Variants in SGCZ observed in about 807,000 individuals in gnomAD.
The protein encoded by SGCZ is sarcoglycan zeta, also known as zeta-sarcoglycan.
SGCZ carries 40 observed loss-of-function variants against 41.3 expected under a neutral mutation model. The observed-to-expected ratio is 0.97, with a 90% confidence interval of 0.75 to 1.26. The LOEUF is 1.26. Ranked by LOEUF, SGCZ falls within the 50% of genes most tolerant of loss-of-function variation. SGCZ has a pLI of 0.00. For synonymous variants in SGCZ, 206 were observed against 137.5 expected, an observed-to-expected ratio of 1.50 and a Z score of -3.49; for missense variants, 552 against 369.8, an observed-to-expected ratio of 1.49 and a Z score of -4.04.
chr8:14,221,177 C>T (rs989895726), intron 4 of SGCZ, among the ~76,000 whole-genome samples: 9 of 152,132 alleles, frequency 5.9e-5, no homozygotes, highest in African/African-American at 2.2e-4. Context: ...GTGTGTATGT[C>T]ATTGTGTAAG....
At chr8:15,002,966 T>C (rs1404789373) in intron 1 of SGCZ, among the ~76,000 whole-genome samples, 1 of 151,600 alleles carries the variant, frequency 6.6e-6, no homozygotes, top group East Asian at 1.9e-4. Context: ...TCTGATGGTT[T>C]TATAAAGGGG....
intron 3 of SGCZ, among the ~76,000 whole-genome samples, chr8:14,238,822 A>G (rs535046087): frequency 3.5e-4 from 53 of 152,248 alleles, no homozygotes; most frequent in Non-Finnish European, 6.6e-4. Context: ...ATGCTGAAAT[A>G]CTATGAAAAT....
chr8:14,183,299 C>G (rs954947132), intron 4 of SGCZ, among the ~76,000 whole-genome samples: 4 of 151,884 alleles, frequency 2.6e-5, no homozygotes, highest in African/African-American at 7.3e-5. Context: ...TACACACACA[C>G]ACACACACAC....
Position 14,156,343 on chromosome 8 carries a change from C to T in SGCZ, c.547+8237G>A, listed in dbSNP as rs1477544923. On this transcript the variant is annotated intron_variant, in intron 5 of 7. Coordinates refer to ENST00000382080, the MANE Select transcript of SGCZ (RefSeq NM_139167.4). Reference sequence around the variant, plus strand: ...GGCGTGGTGGTGGTCGCCTTGTAGTCCCAGCTACTCAGGAGGCTGAGGCGG... The same window carrying T: ...GGCGTGGTGGTGGTCGCCTTGTAGTTCCAGCTACTCAGGAGGCTGAGGCGG... Among the ~76,000 whole-genome samples, 8 of 151,880 alleles carry T rather than the reference C, an allele frequency of 5.3e-5. No individual in the cohort carries two copies. The South Asian group carries it at 1.5e-3, about 28-fold the overall frequency.
chr8:15,096,352 T>G (rs1806346033), intron 1 of SGCZ, among the ~76,000 whole-genome samples: 1 of 152,044 alleles, frequency 6.6e-6, no homozygotes, highest in Non-Finnish European at 1.5e-5. Context: ...TCTCCCAAAG[T>G]GCTGAGATGA....
intron 2 of SGCZ, among the ~76,000 whole-genome samples, chr8:14,405,881 T>C (rs1799199999): frequency 6.6e-6 from 1 of 152,160 alleles, no homozygotes; most frequent in African/African-American, 2.4e-5. Flanking sequence ...AAAAGGTTTT[T>C]CTCTTTAGTG....
chr8:14,487,000 G>A (rs1232966778), intron 2 of SGCZ, among the ~76,000 whole-genome samples: 1 of 152,138 alleles, frequency 6.6e-6, no homozygotes, highest in Non-Finnish European at 1.5e-5. Flanking sequence ...TGAAACATGT[G>A]TGCCACCTAA....
intron 1 of SGCZ, among the ~76,000 whole-genome samples, chr8:14,660,029 G>A (rs530098811): frequency 1.1e-4 from 17 of 152,308 alleles, no homozygotes; most frequent in Middle Eastern, 3.4e-3. Flanking sequence ...AGCTAAGAGA[G>A]AAGTTTGAAA....
chr8:14,819,064 G>C (rs1801990756), intron 1 of SGCZ, among the ~76,000 whole-genome samples: 2 of 151,560 alleles, frequency 1.3e-5, no homozygotes, highest in Non-Finnish European at 2.9e-5. Flanking sequence ...TCTGTGGATA[G>C]ATTCAACCCA....
chr8:14,231,576 G>C (rs1806573696), intron 4 of SGCZ, among the ~76,000 whole-genome samples: 1 of 151,708 alleles, frequency 6.6e-6, no homozygotes, highest in African/African-American at 2.4e-5. Context: ...TCTGAATTGA[G>C]TTGGACCAAT....
intron 3 of SGCZ, among the ~76,000 whole-genome samples, chr8:14,302,946 T>C (rs1435280518): frequency 6.6e-6 from 1 of 152,162 alleles, no homozygotes; most frequent in Non-Finnish European, 1.5e-5. Context: ...CAAACTTTCT[T>C]TCCAGTCTCA....
At chr8:14,162,358 G>C (rs1237270910) in intron 5 of SGCZ, among the ~76,000 whole-genome samples, 2 of 152,016 alleles carry the variant, frequency 1.3e-5, no homozygotes, top group African/African-American at 4.8e-5. Flanking sequence ...GATTATGTTG[G>C]TCTCAAGAGT....
At chr8:14,538,992 G>T (rs1803377905) in intron 2 of SGCZ, among the ~76,000 whole-genome samples, 1 of 151,956 alleles carries the variant, frequency 6.6e-6, no homozygotes, top group Non-Finnish European at 1.5e-5. Flanking sequence ...TCAAACACTG[G>T]TGTTCTGGTG....
chr8:14,835,819 T>C (rs1038316557), intron 1 of SGCZ, among the ~76,000 whole-genome samples: 47 of 152,178 alleles, frequency 3.1e-4, no homozygotes, highest in African/African-American at 1.1e-3. Flanking sequence ...TGTCAGTTGC[T>C]GGGAAATGTT....
chr8:14,148,131 A>G (rs1435325935), intron 5 of SGCZ, among the ~76,000 whole-genome samples: 1 of 152,130 alleles, frequency 6.6e-6, no homozygotes, highest in Non-Finnish European at 1.5e-5. Flanking sequence ...CAGTCTAACA[A>G]TGCATCTTAA....
Position 14,336,085 on chromosome 8 carries a change from A to G in SGCZ, c.235-11881T>C, listed in dbSNP as rs1331973913. Among the ~76,000 whole-genome samples, 6 of 151,980 alleles carry G rather than the reference A, an allele frequency of 3.9e-5. No homozygotes were observed. The East Asian group carries it at 1.2e-3, about 29-fold the overall frequency. On this transcript the variant is annotated intron_variant, in intron 2 of 7. Transcript: ENST00000382080. The stretch of plus-strand genomic sequence containing the variant: ...CTCCTCCCACCTTCCATCCTCTAGT[A>G]GACCCCAGTGTATATTGTTTCCCCC...
chr8:14,242,706 T>C (rs1798935282), intron 3 of SGCZ, among the ~76,000 whole-genome samples: 1 of 152,110 alleles, frequency 6.6e-6, no homozygotes, highest in African/African-American at 2.4e-5. Context: ...ATAAGTATAG[T>C]ACAAAAAGAT....
At chr8:14,645,181 A>G (rs77582468) in intron 1 of SGCZ, among the ~76,000 whole-genome samples, 16,226 of 151,482 alleles carry the variant, frequency 0.11, 1,050 homozygotes, top group African/African-American at 0.19. Flanking sequence ...TGAGGAATGG[A>G]TCTCTGAATG....
chr8:14,686,984 G>A (rs745656462), intron 1 of SGCZ, among the ~76,000 whole-genome samples: 4 of 151,276 alleles, frequency 2.6e-5, no homozygotes, highest in Non-Finnish European at 4.4e-5. Context: ...ATTAAATATA[G>A]GACTATTTAC....
Sources: allele counts gnomAD v4.1 joint callset (sites outside exome capture counted in the v4.1 genomes callset), GRCh38; gene constraint gnomAD v4.1.1; transcripts MANE v1.5; gene names NCBI Gene and HGNC (gene_info 2026-07-23, HGNC 2026-07-21).